Variants in SSU72 observed in about 807,000 individuals in gnomAD.
The protein encoded by SSU72 is SSU72 homolog, RNA polymerase II CTD phosphatase.
Under a neutral mutation model 22.7 loss-of-function variants are expected in SSU72, and 12 were observed. The ratio of observed to expected loss-of-function variants is 0.53; its 90% confidence interval spans 0.34 to 0.86. The LOEUF (loss-of-function observed/expected upper bound fraction) is 0.86, where lower values mean the gene tolerates loss of function less well. Ranked by LOEUF, SSU72 falls within the 40% of genes least tolerant of loss-of-function variation. The pLI is 0.02. For synonymous variants in SSU72, 116 were observed against 98.3 expected (o/e 1.18, Z -1.06); for missense variants, 151 against 249.8 (o/e 0.60, Z 2.67).
intron 1 of SSU72, among the ~76,000 whole-genome samples, chr1:1,570,358 C>A (rs1642712838): frequency 6.6e-6 from 1 of 151,454 alleles, no homozygotes; most frequent in South Asian, 2.1e-4. Flanking sequence ...AGCTAGAAAA[C>A]CGAGACATGG....
At chr1:1,559,917 G>T (rs1642566699) in intron 2 of SSU72, among the ~76,000 whole-genome samples, 1 of 152,012 alleles carries the variant, frequency 6.6e-6, no homozygotes, top group Non-Finnish European at 1.5e-5. Flanking sequence ...AGAGACGGGG[G>T]TTTCTCCATT....
chr1:1,574,792 C>T lies in SSU72; in HGVS notation c.-235G>A, dbSNP rs1642791557. 2 of 224,404 alleles carry T rather than the reference C, an allele frequency of 8.9e-6. No individual in the cohort carries two copies. Among genetic ancestry groups the T allele is most frequent in the Non-Finnish European group, 1.8e-5 (2 of 113,678 alleles). 13.9% of individuals were successfully genotyped at this position (224,404 alleles called of 1,614,324 possible). A position where few individuals can be genotyped will look rare whatever the true frequency, so the allele number is the denominator to read the frequency against. The stretch of plus-strand genomic sequence containing the variant: ...GCGCTGCACTCGGCGAGGCCGGGGG[C>T]GGCCAACGCCGCGCCGGCCCCCGGC... On this transcript the variant is annotated 5_prime_UTR_variant, in exon 1 of 5. Transcript: ENST00000291386.
chr1:1,555,688 C>T lies in SSU72; in HGVS notation c.224+9085G>A, dbSNP rs144319677. 2.0e-5 allele frequency among the ~76,000 whole-genome samples: 3 copies of T among 152,370 alleles called. No individual in the cohort carries two copies. The East Asian group carries it at 5.8e-4, about 29-fold the overall frequency. On this transcript the variant is annotated intron_variant, in intron 2 of 4. Coordinates refer to ENST00000291386, the MANE Select transcript of SSU72 (RefSeq NM_014188.3). ...CCACAAGCTTGCCAGCTACCACTTC[C>T]ATGTCAACGTATCAAGAAATACATC...
At chr1:1,549,862 GC>G (rs1642435865) in intron 2 of SSU72, among the ~76,000 whole-genome samples, 2 of 151,522 alleles carry the variant, frequency 1.3e-5, no homozygotes, top group African/African-American at 4.9e-5. Flanking sequence ...TAATCCCACT[GC>G]TCAGGAGGCT....
At chr1:1,571,122 G>C (rs1023639160) in intron 1 of SSU72, among the ~76,000 whole-genome samples, 3 of 151,990 alleles carry the variant, frequency 2.0e-5, no homozygotes, top group African/African-American at 7.2e-5. Flanking sequence ...GCGGGTGCCT[G>C]TAGTCCCAGT....
chr1:1,558,621 G>A (rs1156639800), intron 2 of SSU72, among the ~76,000 whole-genome samples: 1 of 152,222 alleles, frequency 6.6e-6, no homozygotes, highest in East Asian at 1.9e-4. Flanking sequence ...AACACAAAAA[G>A]CTGGTAAACC....
rs547672896 is a variant in SSU72, at chr1:1,555,923, G to A, written c.224+8850C>T. On this transcript the variant is annotated intron_variant, in intron 2 of 4. Transcript: ENST00000291386. ...CTGAGGTGGGAGGATTGAGCCCAGG[G>A]ACATAAGGCTACAGGGAGCTATGAT... Among the ~76,000 whole-genome samples, 42 of 152,210 alleles carry A rather than the reference G, an allele frequency of 2.8e-4. 2 individuals carry two copies. The East Asian group carries it at 7.5e-3, about 27-fold the overall frequency.
intron 1 of SSU72, among the ~76,000 whole-genome samples, chr1:1,565,708 C>T (rs1281137838): frequency 6.6e-6 from 1 of 152,272 alleles, no homozygotes; most frequent in African/African-American, 2.4e-5. Flanking sequence ...GAACAGATGC[C>T]GCGATGGGTC....
chr1:1,569,572 TAGCTCAC>T (rs1305806009), intron 1 of SSU72, among the ~76,000 whole-genome samples: 2 of 152,172 alleles, frequency 1.3e-5, no homozygotes, highest in East Asian at 3.8e-4. Flanking sequence ...CTCACAGTCA[TAGCTCAC>T]CACAGCCTCA....
intron 1 of SSU72, among the ~76,000 whole-genome samples, chr1:1,568,554 C>CG (rs1224702246): frequency 6.6e-6 from 1 of 151,364 alleles, no homozygotes; most frequent in African/African-American, 2.4e-5. Flanking sequence ...CAGTGGGCCC[C>CG]GTGATGGTGC....
intron 1 of SSU72, among the ~76,000 whole-genome samples, chr1:1,570,304 AG>A (rs950368816): frequency 2.1e-5 from 3 of 140,602 alleles, no homozygotes; most frequent in African/African-American, 8.5e-5. Context: ...CAAAAAAAAA[AG>A]GGAAAATGAC....
intron 2 of SSU72, among the ~76,000 whole-genome samples, chr1:1,560,360 G>A (rs1022381618): frequency 6.6e-6 from 1 of 152,044 alleles, no homozygotes; most frequent in Non-Finnish European, 1.5e-5. Context: ...TGCCCAGGCT[G>A]GCCTCCGGCT....
At chr1:1,543,341 G>A (rs1458614562) in intron 4 of SSU72, among the ~76,000 whole-genome samples, 1 of 152,228 alleles carries the variant, frequency 6.6e-6, no homozygotes, top group African/African-American at 2.4e-5. Context: ...TCTGCTCACT[G>A]AGGTGGGGCT....
intron 4 of SSU72, among the ~76,000 whole-genome samples, chr1:1,543,577 C>T (rs1359054684): frequency 2.0e-5 from 3 of 151,734 alleles, no homozygotes; most frequent in Non-Finnish European, 4.4e-5. Context: ...GCAGCAGGGC[C>T]GGCCTCAGGT....
chr1:1,555,673 GCCAGCTACCACTT>G (rs1642512753), intron 2 of SSU72, among the ~76,000 whole-genome samples: 1 of 152,190 alleles, frequency 6.6e-6, no homozygotes, highest in African/African-American at 2.4e-5. Context: ...CCACAAGCTT[GCCAGCTACCACTT>G]CCATGTCAAC....
chr1:1,574,404 C>T, intron 1 of SSU72, 74 bp downstream of exon 1: 1 of 1,489,952 alleles, frequency 6.7e-7, no homozygotes, highest in Non-Finnish European at 9.1e-7. Flanking sequence ...CTGGCGCGGG[C>T]CAGGGGGAAC....
chr1:1,563,946 G>A (rs986529710), intron 2 of SSU72: 1 of 152,480 alleles, frequency 6.6e-6, no homozygotes, highest in Non-Finnish European at 1.5e-5. Flanking sequence ...GGGATGTCGG[G>A]AGAGGGCGGG....
rs886121700 is a variant in SSU72 at position 1,574,707 on chromosome 1, G to A, written c.-150C>T. The A allele has an allele frequency of 3.0e-6, 2 of 671,326 alleles. No homozygotes were observed. The highest frequency in any genetic ancestry group is 3.9e-5 in the African/African-American group (2 of 51,906). 41.6% of individuals were successfully genotyped at this position (671,326 alleles called of 1,614,324 possible). On this transcript the variant is annotated 5_prime_UTR_variant, in exon 1 of 5. Coordinates refer to ENST00000291386, the MANE Select transcript of SSU72 (RefSeq NM_014188.3). ...TGTAGCGTGCGGCGACTGCGCGGCGGCCTCCCCGCCCACCCTGGGCGCCGG... is the reference window on the plus strand; with the variant it reads ...TGTAGCGTGCGGCGACTGCGCGGCGACCTCCCCGCCCACCCTGGGCGCCGG...
rs893418046 is a variant in SSU72 at position 1,542,247 on chromosome 1, C to T, written c.484-80G>A. Reference sequence around the variant, plus strand: ...CCTAACACCTGGATCGCCAGGGAAACGCCAGGCCTGAGCCAGCAGAAACCA... The same window carrying T: ...CCTAACACCTGGATCGCCAGGGAAATGCCAGGCCTGAGCCAGCAGAAACCA... On this transcript the variant is annotated intron_variant, in intron 4 of 4. Transcript: ENST00000291386. The surrounding 1 kb of genome is among the most constrained non-coding windows in gnomAD (Gnocchi z 4.4). The T allele has an allele frequency of 3.0e-5, 41 of 1,374,280 alleles. No individual in the cohort carries two copies. Among genetic ancestry groups the T allele is most frequent in the Non-Finnish European group, 3.4e-5 (34 of 990,852 alleles). The allele number at this position is 1,374,280 out of a possible 1,614,324, so 85.1% of individuals were successfully genotyped here.
Sources: gnomAD v4.1 joint callset for allele counts (sites outside exome capture counted in the v4.1 genomes callset) on GRCh38, gnomAD v4.1.1 for gene constraint, Gnocchi (gnomAD v3.1) non-coding constraint, MANE v1.5 for transcripts, NCBI Gene and HGNC (gene_info 2026-07-23, HGNC 2026-07-21) for gene names.